The following UNC13C variants were observed in gnomAD, a reference collection of about 807,000 sequenced individuals.
UNC13C encodes unc-13 homolog C, also known as protein unc-13 homolog C.
UNC13C carries 174 observed loss-of-function variants against 245.4 expected under a neutral mutation model. That is an observed-to-expected ratio of 0.71 (90% confidence interval 0.63 to 0.80). The LOEUF is 0.80. UNC13C is among the 30% of genes least tolerant of loss of function. UNC13C has a pLI of 0.00. For synonymous variants in UNC13C, 992 were observed against 895.1 expected (o/e 1.11, Z -1.93); for missense variants, 2,829 against 2,602.9 (o/e 1.09, Z -1.89).
At chr15:53,928,907 T>C in the UNC13C span, among the ~76,000 whole-genome samples, 1 of 152,210 alleles carries the variant, frequency 6.6e-6, no homozygotes, top group East Asian at 1.9e-4. Flanking sequence ...ACGTTGAAAT[T>C]CAGCCTTGAA....
chr15:54,414,929 T>A, intron 18 of UNC13C, 53 bp from the exon 19 acceptor site: 1 of 1,425,296 alleles, frequency 7.0e-7, no homozygotes, highest in Non-Finnish European at 9.7e-7. Context: ...TGTATTTTGG[T>A]TTTTAGGCAT....
intron 8 of UNC13C, among the ~76,000 whole-genome samples, chr15:54,251,050 G>A (rs1807348): frequency 0.26 from 40,083 of 151,784 alleles, 5,448 homozygotes; most frequent in African/African-American, 0.29. Context: ...GAGCCACCGC[G>A]CCCGGCCCCT....
chr15:54,045,656 T>C (rs989429450), intron 2 of UNC13C, among the ~76,000 whole-genome samples: 1 of 152,220 alleles, frequency 6.6e-6, no homozygotes, highest in Non-Finnish European at 1.5e-5. Context: ...ACTGCCTGGC[T>C]GAAATCTGTT....
At chr15:54,539,832 G>A (rs57885004) in intron 26 of UNC13C, among the ~76,000 whole-genome samples, 5,676 of 152,000 alleles carry the variant, frequency 0.037, 322 homozygotes, top group African/African-American at 0.13. Flanking sequence ...GATAAAATGG[G>A]TTGACTCTTA....
chr15:54,485,013 GT>G (rs1277156127), intron 19 of UNC13C, among the ~76,000 whole-genome samples: 1 of 148,648 alleles, frequency 6.7e-6, no homozygotes, highest in East Asian at 2.0e-4. Context: ...TTTTTTTTTT[GT>G]TTTATCAACA....
chr15:53,883,396 G>A, the UNC13C span, among the ~76,000 whole-genome samples: 1 of 152,164 alleles, frequency 6.6e-6, no homozygotes, highest in Non-Finnish European at 1.5e-5. Flanking sequence ...TGACAAGTAG[G>A]ATACATGTCT....
At chr15:54,164,952 C>G (rs931806828) in intron 4 of UNC13C, among the ~76,000 whole-genome samples, 30 of 151,910 alleles carry the variant, frequency 2.0e-4, no homozygotes, top group African/African-American at 6.3e-4. Context: ...TTAAAATATG[C>G]AAAATATAAA....
At chr15:53,990,396 G>A (rs1313589881) in intron 1 of UNC13C, among the ~76,000 whole-genome samples, 2 of 151,952 alleles carry the variant, frequency 1.3e-5, no homozygotes, top group African/African-American at 4.8e-5. Context: ...GAATGAAGGG[G>A]CTCTTCTGTC....
At chr15:53,881,159 A>C in the UNC13C span, among the ~76,000 whole-genome samples, 1 of 151,912 alleles carries the variant, frequency 6.6e-6, no homozygotes, top group African/African-American at 2.4e-5. Context: ...TGTACATGTA[A>C]ATTTAAATCT....
intron 8 of UNC13C, among the ~76,000 whole-genome samples, chr15:54,258,807 CCTAT>C (rs1002608254): frequency 2.6e-5 from 4 of 152,144 alleles, no homozygotes; most frequent in Admixed American, 2.6e-4. Context: ...TACTACTATT[CCTAT>C]CTGTTTTTCA....
intron 4 of UNC13C, among the ~76,000 whole-genome samples, chr15:54,160,865 T>A (rs1053285018): frequency 6.6e-6 from 1 of 152,104 alleles, no homozygotes; most frequent in Non-Finnish European, 1.5e-5. Flanking sequence ...ATATTTCTGA[T>A]AATTAGTTTA....
At chr15:53,868,816 C>T in the UNC13C span, among the ~76,000 whole-genome samples, 3 of 152,142 alleles carry the variant, frequency 2.0e-5, no homozygotes, top group Admixed American at 1.3e-4. Context: ...CTCACTAGGG[C>T]CATATTAAAA....
At position 54,507,875 on chromosome 15, in the gene UNC13C, T is replaced by C. The variant is rs74016632; in HGVS notation, c.5379+681T>C. On this transcript the variant is annotated intron_variant, in intron 23 of 32. Coordinates refer to ENST00000260323, the MANE Select transcript of UNC13C (RefSeq NM_001080534.3). ...CTGAAAAAAAAAAGTGTTTAAAAAG[T>C]GAGTATAGGGTTTTTTTTTAAAAAA... Among the ~76,000 whole-genome samples, 1,199 of 151,432 alleles carry C rather than the reference T, an allele frequency of 7.9e-3. 21 individuals carry two copies. The highest frequency in any genetic ancestry group is 0.028 in the African/African-American group (1,148 of 41,336).
chr15:54,494,235 T>A (rs1199218423), intron 19 of UNC13C, among the ~76,000 whole-genome samples: 2 of 151,994 alleles, frequency 1.3e-5, no homozygotes, highest in Non-Finnish European at 2.9e-5. Flanking sequence ...AGAATAATTT[T>A]AAAAAAAGAA....
intron 2 of UNC13C, among the ~76,000 whole-genome samples, chr15:54,055,515 C>T (rs1234309883): frequency 6.6e-6 from 1 of 152,080 alleles, no homozygotes; most frequent in Non-Finnish European, 1.5e-5. Flanking sequence ...TTTATTTAGC[C>T]CCTCCAGCTG....
chr15:54,123,054 A>T (rs530665757), intron 2 of UNC13C, among the ~76,000 whole-genome samples: 4 of 152,050 alleles, frequency 2.6e-5, no homozygotes, highest in African/African-American at 9.7e-5. Flanking sequence ...AGTTTTTTAC[A>T]TTCTTCCCTG....
intron 17 of UNC13C, among the ~76,000 whole-genome samples, chr15:54,340,463 T>A (rs976171890): frequency 1.3e-5 from 2 of 152,214 alleles, no homozygotes; most frequent in East Asian, 3.9e-4. Flanking sequence ...GATTTTTGTA[T>A]AAGATGAGAG....
At chr15:53,875,941 A>G in the UNC13C span, among the ~76,000 whole-genome samples, 1 of 152,292 alleles carries the variant, frequency 6.6e-6, no homozygotes, top group African/African-American at 2.4e-5. Flanking sequence ...GTGGTAAGGA[A>G]AGGATGCCAA....
At chr15:54,441,384 T>G (rs998951358) in intron 19 of UNC13C, among the ~76,000 whole-genome samples, 3 of 152,130 alleles carry the variant, frequency 2.0e-5, no homozygotes, top group Admixed American at 1.3e-4. Context: ...TTCTTCTACA[T>G]ATAGATGTCT....
Sources: gnomAD v4.1 joint callset for allele counts (sites outside exome capture counted in the v4.1 genomes callset) on GRCh38, gnomAD v4.1.1 for gene constraint, MANE v1.5 for transcripts, NCBI Gene and HGNC (gene_info 2026-07-23, HGNC 2026-07-21) for gene names.